Variants in COMMD10 observed in about 807,000 individuals in gnomAD.
The protein encoded by COMMD10 is COMM domain-containing protein 10.
COMMD10 carries 33 observed loss-of-function variants against 28.9 expected under a neutral mutation model. The ratio of observed to expected loss-of-function variants is 1.14; its 90% CI spans 0.87 to 1.53. The LOEUF is 1.53. COMMD10 is among the 40% of genes most tolerant of loss of function. The pLI, the probability that COMMD10 is intolerant of heterozygous loss-of-function variation, is 0.00. For synonymous variants in COMMD10, 110 were observed against 81.7 expected (o/e 1.35, Z -1.87); for missense variants, 310 against 233.4 (o/e 1.33, Z -2.14).
intron 5 of COMMD10, among the ~76,000 whole-genome samples, chr5:116,193,199 C>A (rs1748416943): frequency 6.6e-6 from 1 of 152,158 alleles, no homozygotes; most frequent in African/African-American, 2.4e-5. Flanking sequence ...CACATTAAAA[C>A]AGAACCTCTT....
intron 5 of COMMD10, among the ~76,000 whole-genome samples, chr5:116,217,562 C>G (rs188917655): frequency 3.3e-5 from 5 of 152,168 alleles, no homozygotes; most frequent in Non-Finnish European, 5.9e-5. Context: ...GGTGCCATCT[C>G]AGTGGCATCC....
At chr5:116,190,191 G>C (rs796323389) in intron 5 of COMMD10, among the ~76,000 whole-genome samples, 257 of 152,266 alleles carry the variant, frequency 1.7e-3, no homozygotes, top group African/African-American at 5.7e-3. Context: ...AAGTAGGACT[G>C]AGAGGATGGA....
chr5:116,123,271 A>C (rs1751505614), intron 4 of COMMD10, among the ~76,000 whole-genome samples: 1 of 152,182 alleles, frequency 6.6e-6, no homozygotes, highest in Non-Finnish European at 1.5e-5. Context: ...GAGTGATTTT[A>C]GCATGAAGGG....
In COMMD10 at chr5:116,272,832, GTGGTGTTGGCTC is replaced by G. The variant is rs1298600425; in HGVS notation, c.511-18680_511-18669del. Among the ~76,000 whole-genome samples the G allele has an allele frequency of 2.0e-5, 3 of 151,888 alleles. No homozygotes were observed. In the South Asian group the frequency reaches 6.2e-4, roughly 32 times the overall value. On this transcript the variant is annotated intron_variant, in intron 5 of 6. Coordinates refer to ENST00000274458, the MANE Select transcript of COMMD10 (RefSeq NM_016144.4). ...GTAAGCTGAACCAATTGAGATGTCT[GTGGTGTTGGCTC>G]TGGTTTCTGCTCTTAATTTCGGTTC... is the stretch of plus-strand genomic sequence containing the variant.
At chr5:116,159,862 G>A (rs577988065) in intron 5 of COMMD10, among the ~76,000 whole-genome samples, 1 of 152,116 alleles carries the variant, frequency 6.6e-6, no homozygotes, top group African/African-American at 2.4e-5. Flanking sequence ...AAACTTAAAT[G>A]TATTGCCTGG....
chr5:116,124,988 A>G (rs1185234489), intron 4 of COMMD10, among the ~76,000 whole-genome samples: 3 of 152,124 alleles, frequency 2.0e-5, no homozygotes, highest in African/African-American at 7.2e-5. Context: ...TCTCCTGAAT[A>G]CAGCACACTG....
At chr5:116,256,346 G>T (rs555807754) in intron 5 of COMMD10, among the ~76,000 whole-genome samples, 1 of 151,830 alleles carries the variant, frequency 6.6e-6, no homozygotes, top group South Asian at 2.1e-4. Context: ...TTCTGTGTCT[G>T]ACAGTCGGTA....
chr5:116,267,806 C>A (rs2112692896), intron 5 of COMMD10, among the ~76,000 whole-genome samples: 1 of 151,992 alleles, frequency 6.6e-6, no homozygotes, highest in South Asian at 2.1e-4. Context: ...ACATCTACAA[C>A]CATCTGATCT....
chr5:116,287,328 GTCTT>G (rs538430397), intron 5 of COMMD10, among the ~76,000 whole-genome samples: 62 of 151,714 alleles, frequency 4.1e-4, no homozygotes, highest in African/African-American at 1.5e-3. Flanking sequence ...ATTATATAAT[GTCTT>G]TCTTTGTGTC....
chr5:116,131,034 C>T (rs549125302), intron 4 of COMMD10, among the ~76,000 whole-genome samples: 3 of 151,884 alleles, frequency 2.0e-5, no homozygotes, highest in African/African-American at 7.2e-5. Flanking sequence ...CAAATATACA[C>T]GTATCTAGTT....
At chr5:116,117,734 A>G (rs760598651) in intron 4 of COMMD10, among the ~76,000 whole-genome samples, 12 of 152,094 alleles carry the variant, frequency 7.9e-5, no homozygotes, top group Non-Finnish European at 1.0e-4. Context: ...CCAAAATACT[A>G]GGATTACAGG....
chr5:116,280,451 G>A (rs919292234), intron 5 of COMMD10, among the ~76,000 whole-genome samples: 3 of 151,686 alleles, frequency 2.0e-5, no homozygotes, highest in Non-Finnish European at 2.9e-5. Context: ...ATTCTCCCTC[G>A]TTGCCCCACG....
intron 5 of COMMD10, among the ~76,000 whole-genome samples, chr5:116,137,819 C>G (rs1388773837): frequency 6.6e-6 from 1 of 151,916 alleles, no homozygotes; most frequent in African/African-American, 2.4e-5. Context: ...ATCACAAAAA[C>G]TAGGTGATTG....
intron 5 of COMMD10, among the ~76,000 whole-genome samples, chr5:116,165,482 C>A (rs779675420): frequency 6.6e-6 from 1 of 152,094 alleles, no homozygotes; most frequent in African/African-American, 2.4e-5. Flanking sequence ...TCTCACAGTT[C>A]TGGAAGAAAG....
intron 5 of COMMD10, among the ~76,000 whole-genome samples, chr5:116,150,531 G>A (rs373667184): frequency 2.2e-4 from 31 of 142,718 alleles, no homozygotes; most frequent in South Asian, 8.7e-4. Flanking sequence ...CTTTTATTTC[G>A]TTGAGCAGTG....
intron 5 of COMMD10, among the ~76,000 whole-genome samples, chr5:116,281,497 T>G (rs1751068101): frequency 6.6e-6 from 1 of 151,776 alleles, no homozygotes; most frequent in Non-Finnish European, 1.5e-5. Context: ...TTTGCATTGT[T>G]TTTAGATTAG....
chr5:116,102,661 A>C (rs1383579513), intron 4 of COMMD10, among the ~76,000 whole-genome samples: 6 of 152,258 alleles, frequency 3.9e-5, no homozygotes, highest in Admixed American at 3.9e-4. Flanking sequence ...TAGTCATTTT[A>C]ATAATAATTC....
intron 5 of COMMD10, among the ~76,000 whole-genome samples, chr5:116,247,825 G>A (rs72806926): frequency 0.053 from 8,035 of 152,060 alleles, 296 homozygotes; most frequent in East Asian, 0.14. Context: ...GGTGAAGGTG[G>A]GAGGAAGGAA....
chr5:116,125,557 T>A (rs1178299019), intron 4 of COMMD10, among the ~76,000 whole-genome samples: 1 of 152,122 alleles, frequency 6.6e-6, no homozygotes, highest in African/African-American at 2.4e-5. Flanking sequence ...GGAGTATCTT[T>A]GTGGCGTTCT....
Sources: allele counts gnomAD v4.1 joint callset (sites outside exome capture counted in the v4.1 genomes callset), GRCh38; gene constraint gnomAD v4.1.1; transcripts MANE v1.5; gene names NCBI Gene and HGNC (gene_info 2026-07-23, HGNC 2026-07-21).